TRAPPC3L: variants seen among roughly 807,000 people sequenced by gnomAD.
TRAPPC3L encodes trafficking protein particle complex subunit 3-like protein.
TRAPPC3L carries 23 observed loss-of-function variants against 23.7 expected under a neutral mutation model. That is an observed-to-expected ratio of 0.97 (90% CI 0.70 to 1.37). The LOEUF (loss-of-function observed/expected upper bound fraction) is 1.37, where lower values mean the gene tolerates loss of function less well. Ranked by LOEUF, TRAPPC3L falls within the 40% of genes most tolerant of loss-of-function variation. The pLI is 0.00. For synonymous variants in TRAPPC3L, 81 were observed against 77.9 expected (o/e 1.04, Z -0.21); for missense variants, 212 against 216.8 (o/e 0.98, Z 0.14).
intron 3 of TRAPPC3L, among the ~76,000 whole-genome samples, chr6:116,504,820 C>T (rs796399791): frequency 1.3e-5 from 2 of 152,168 alleles, no homozygotes; most frequent in Admixed American, 1.3e-4. Flanking sequence ...TTCAACAGCC[C>T]TTCATGCTAA....
intron 3 of TRAPPC3L, among the ~76,000 whole-genome samples, chr6:116,535,703 A>G (rs1316149270): frequency 1.3e-5 from 2 of 152,244 alleles, no homozygotes; most frequent in African/African-American, 2.4e-5. Flanking sequence ...AAAATCAGCT[A>G]TGGTAATTCT....
chr6:116,525,960 C>T (rs73769118), intron 3 of TRAPPC3L, among the ~76,000 whole-genome samples: 5 of 152,188 alleles, frequency 3.3e-5, no homozygotes, highest in East Asian at 1.9e-4. Context: ...ATTTGTGTCA[C>T]GGAGGAAACA....
intron 3 of TRAPPC3L, chr6:116,519,765 A>G (rs1052743677): frequency 6.6e-6 from 1 of 152,248 alleles, no homozygotes; most frequent in Non-Finnish European, 1.5e-5. Context: ...AATATACTCA[A>G]GGAAAAATTT....
At chr6:116,501,225 A>G (rs1299924559) in intron 3 of TRAPPC3L, among the ~76,000 whole-genome samples, 4 of 152,224 alleles carry the variant, frequency 2.6e-5, no homozygotes, top group Admixed American at 6.5e-5. Flanking sequence ...TCCCACGCCC[A>G]TGGAGCCTTG....
At chr6:116,508,655 C>G (rs1772049942) in intron 3 of TRAPPC3L, among the ~76,000 whole-genome samples, 3 of 152,112 alleles carry the variant, frequency 2.0e-5, no homozygotes, top group Non-Finnish European at 4.4e-5. Context: ...CCTAAACTTT[C>G]CCATGTAAAA....
In TRAPPC3L at chr6:116,515,558, C is replaced by A. The variant is rs759397035; in HGVS notation, c.241-14892G>T. ...AATAATACCCCAGCTCCCTAAATGG[C>A]TTTGCTTTCACGTGTGTACTCAATA... On this transcript the variant is annotated intron_variant, in intron 3 of 4. Coordinates refer to ENST00000368602, the MANE Select transcript of TRAPPC3L (RefSeq NM_001139444.3). 3.2e-6 allele frequency: 5 copies of A among 1,549,974 alleles called. No individual in the cohort carries two copies. The South Asian group carries it at 6.3e-5, about 19-fold the overall frequency.
chr6:116,507,039 A>G (rs1463299545), intron 3 of TRAPPC3L, among the ~76,000 whole-genome samples: 1 of 152,152 alleles, frequency 6.6e-6, no homozygotes, highest in Non-Finnish European at 1.5e-5. Flanking sequence ...ATAAAAATAA[A>G]TACTATTTTT....
At chr6:116,543,484 G>C in intron 1 of TRAPPC3L, 84 bp from the exon 2 acceptor site, 1 of 1,176,066 alleles carries the variant, frequency 8.5e-7, no homozygotes, top group Non-Finnish European at 1.2e-6. Context: ...AATCTGGTTT[G>C]AAGTAGCCTT....
intron 3 of TRAPPC3L, among the ~76,000 whole-genome samples, chr6:116,538,349 C>T (rs9488960): frequency 6.6e-6 from 1 of 152,166 alleles, no homozygotes; most frequent in Non-Finnish European, 1.5e-5. Flanking sequence ...GACCCTACAT[C>T]GTGTGACAGA....
intron 3 of TRAPPC3L, chr6:116,518,695 T>C (rs2753107): frequency 0.025 from 3,841 of 152,216 alleles, 73 homozygotes; most frequent in Middle Eastern, 0.096. Flanking sequence ...TCTACAGAAG[T>C]AGGTTAGCTG....
At chr6:116,529,417 T>A (rs1255700639) in intron 3 of TRAPPC3L, among the ~76,000 whole-genome samples, 1 of 152,230 alleles carries the variant, frequency 6.6e-6, no homozygotes. Flanking sequence ...GGCTGTCTAA[T>A]GGAAGGGAAA....
rs1160435846 is a variant in TRAPPC3L, at chr6:116,500,509, C to G, written c.398G>C (p.Cys133Ser). ...TTCCAAGGCACCTCTGATAATCCCA[C>G]AGAGCAAGTTGCAGTAGCACAGAGA... ...RSSLCYCNLL[C>S]GIIRGALEMV... Residue 133 changes from cysteine (C) to serine (S), a missense_variant, in exon 4 of 5, where the codon TGT becomes TCT. Physicochemically the swap from Cys to Ser is moderately radical, Grantham distance 112 (BLOSUM62 -1). Coordinates refer to ENST00000368602, the MANE Select transcript of TRAPPC3L (RefSeq NM_001139444.3). 6.4e-7 allele frequency: 1 copy of G among 1,551,278 alleles called. No individual in the cohort carries two copies. The highest frequency in any genetic ancestry group is 2.4e-5 in the East Asian group (1 of 40,918).
intron 3 of TRAPPC3L, chr6:116,516,032 A>C: frequency 9.8e-6 from 15 of 1,533,868 alleles, no homozygotes; most frequent in Non-Finnish European, 1.3e-5. Flanking sequence ...TGGCATGCTC[A>C]TTCTGTGATC....
chr6:116,518,656 T>G (rs1445741532), intron 3 of TRAPPC3L: 2 of 152,260 alleles, frequency 1.3e-5, no homozygotes, highest in African/African-American at 4.8e-5. Context: ...ATGCCTCTTT[T>G]GCAGTGTGTG....
intron 3 of TRAPPC3L, among the ~76,000 whole-genome samples, chr6:116,525,522 T>C (rs1052584314): frequency 7.2e-5 from 11 of 152,220 alleles, no homozygotes; most frequent in African/African-American, 2.7e-4. Context: ...CAAACTTTAA[T>C]TTTTATATAT....
chr6:116,520,320 G>A (rs1234408993), intron 3 of TRAPPC3L: 2 of 152,056 alleles, frequency 1.3e-5, no homozygotes, highest in Non-Finnish European at 2.9e-5. Context: ...TGGTGGTTCC[G>A]AATTCTCTAA....
chr6:116,522,625 T>A (rs1460453023), intron 3 of TRAPPC3L: 1 of 152,218 alleles, frequency 6.6e-6, no homozygotes, highest in Non-Finnish European at 1.5e-5. Flanking sequence ...GGTTAATTTT[T>A]GTTTGAAAGG....
At chr6:116,540,305 A>G (rs963805663) in intron 3 of TRAPPC3L, 58 bp downstream of exon 3, 5 of 1,486,452 alleles carry the variant, frequency 3.4e-6, no homozygotes, top group Non-Finnish European at 3.7e-6. Context: ...AAACCACCAT[A>G]CTCAAAAAGA....
intron 1 of TRAPPC3L, among the ~76,000 whole-genome samples, chr6:116,545,181 G>GA (rs1011915444): frequency 6.6e-6 from 1 of 151,048 alleles, no homozygotes; most frequent in Non-Finnish European, 1.5e-5. Flanking sequence ...GTATGAAATA[G>GA]AAAAAATTGC....
Sources: gnomAD v4.1 joint callset for allele counts (sites outside exome capture counted in the v4.1 genomes callset) on GRCh38, gnomAD v4.1.1 for gene constraint, MANE v1.5 for transcripts, NCBI Gene and HGNC (gene_info 2026-07-23, HGNC 2026-07-21) for gene names.